Variants in HEG1 observed in about 807,000 individuals in gnomAD.
The protein encoded by HEG1 is heart development protein with EGF like domains 1.
Under a neutral mutation model 125.6 loss-of-function variants are expected in HEG1, and 56 were observed. The observed-to-expected ratio is 0.45, with a 90% CI of 0.36 to 0.56. The LOEUF is 0.56. Among genes scored for constraint, HEG1 ranks in the 20% least tolerant of loss-of-function variants. The pLI is 0.00. For synonymous variants in HEG1, 644 were observed against 668.5 expected (o/e 0.96, Z 0.57); for missense variants, 1,523 against 1,670.0 (o/e 0.91, Z 1.53).
At chr3:125,018,944 G>A (rs1323842789) in intron 5 of HEG1, among the ~76,000 whole-genome samples, 2 of 144,182 alleles carry the variant, frequency 1.4e-5, no homozygotes, top group East Asian at 4.1e-4. Context: ...TCAGCTAACT[G>A]CAACCTCCAC....
intron 1 of HEG1, among the ~76,000 whole-genome samples, chr3:125,041,997 G>A (rs1419981142): frequency 6.6e-6 from 1 of 152,222 alleles, no homozygotes; most frequent in Non-Finnish European, 1.5e-5. Context: ...TTGGGATGAT[G>A]AAAAATTTCA....
At chr3:125,050,655 C>T (rs1239114149) in intron 1 of HEG1, among the ~76,000 whole-genome samples, 4 of 152,188 alleles carry the variant, frequency 2.6e-5, no homozygotes, top group African/African-American at 7.2e-5. Flanking sequence ...ATCGTTATTT[C>T]GCTTTTTACA....
chr3:125,011,404 G>A (rs974613578), intron 6 of HEG1, among the ~76,000 whole-genome samples: 1 of 152,176 alleles, frequency 6.6e-6, no homozygotes, highest in Admixed American at 6.5e-5. Context: ...AAAAAATATA[G>A]TAACAGCCAG....
At chr3:124,980,797 G>A (rs535215663) in intron 14 of HEG1, among the ~76,000 whole-genome samples, 2 of 152,178 alleles carry the variant, frequency 1.3e-5, no homozygotes, top group African/African-American at 4.8e-5. Flanking sequence ...GGGATTACAG[G>A]TGTGAGCCAC....
intron 7 of HEG1, 81 bp downstream of exon 7, chr3:125,010,358 A>G: frequency 2.5e-6 from 2 of 797,660 alleles, no homozygotes; most frequent in Non-Finnish European, 2.0e-6. Context: ...ATTTGTCCAC[A>G]TTTTGGAGGA....
chr3:125,022,455 A>G (rs1319828044), intron 3 of HEG1, among the ~76,000 whole-genome samples: 3 of 151,348 alleles, frequency 2.0e-5, no homozygotes, highest in African/African-American at 7.3e-5. Context: ...GGTTCCTCTC[A>G]TTCTTGTGCA....
intron 14 of HEG1, among the ~76,000 whole-genome samples, chr3:124,986,934 T>G (rs1936748840): frequency 6.6e-6 from 1 of 152,200 alleles, no homozygotes; most frequent in South Asian, 2.1e-4. Context: ...CCAGTGCCAC[T>G]TAGAATAATG....
intron 1 of HEG1, among the ~76,000 whole-genome samples, chr3:125,054,967 T>A (rs1023461960): frequency 1.3e-5 from 2 of 152,102 alleles, no homozygotes; most frequent in Admixed American, 1.3e-4. Context: ...CAACAGTTCA[T>A]TGGGAAAGGA....
At position 125,005,320 on chromosome 3, in the gene HEG1, G is replaced by A. The variant is rs1015698379; in HGVS notation, c.3242C>T (p.Thr1081Ile). ...TAGGTCTGAATGTTTTTCCACAGTT[G>A]TATTAAGAAAAGTTCTCTTTAATTT... ...EFKLKRTFLN[T>I]TVEKHSDLQE... Residue 1081 changes from threonine to isoleucine, a missense_variant, in exon 9 of 17, where the codon ACA becomes ATA. By Grantham distance (89) the Thr-to-Ile change is moderately conservative (BLOSUM62 -1). Coordinates refer to ENST00000311127, the MANE Select transcript of HEG1 (RefSeq NM_020733.2). 30 of 1,597,384 alleles carry A rather than the reference G, an allele frequency of 1.9e-5. No homozygotes were observed. Among genetic ancestry groups the A allele is most frequent in the Non-Finnish European group, 2.6e-5 (30 of 1,173,186 alleles).
chr3:125,032,908 C>T (rs1468360693), intron 1 of HEG1, among the ~76,000 whole-genome samples: 1 of 152,056 alleles, frequency 6.6e-6, no homozygotes, highest in African/African-American at 2.4e-5. Flanking sequence ...CTCCAAGGAC[C>T]AGGATTGGAA....
At chr3:125,002,424 T>C (rs1937015033) in intron 9 of HEG1, 109 bp from the exon 10 acceptor site, 2 of 929,634 alleles carry the variant, frequency 2.2e-6, no homozygotes, top group Non-Finnish European at 3.3e-6. Context: ...GCCATCAAGT[T>C]ATCAGCACGC....
At chr3:125,010,910 G>T (rs927234972) in intron 6 of HEG1, among the ~76,000 whole-genome samples, 21 of 152,144 alleles carry the variant, frequency 1.4e-4, no homozygotes, top group Non-Finnish European at 2.2e-4. Flanking sequence ...CACACTTTAG[G>T]GGGGAAAAGG....
chr3:125,033,005 C>T (rs1180891376), intron 1 of HEG1, among the ~76,000 whole-genome samples: 1 of 152,164 alleles, frequency 6.6e-6, no homozygotes, highest in Non-Finnish European at 1.5e-5. Context: ...AGGACCCACA[C>T]TGACCTGCGC....
chr3:125,015,800 A>C (rs1342698491), intron 5 of HEG1, among the ~76,000 whole-genome samples: 1 of 149,496 alleles, frequency 6.7e-6, no homozygotes, highest in Non-Finnish European at 1.5e-5. Context: ...AGAAAAAAAA[A>C]CCCAAAAAAC....
At chr3:124,998,079 C>T (rs764894889) in intron 11 of HEG1, among the ~76,000 whole-genome samples, 1 of 152,186 alleles carries the variant, frequency 6.6e-6, no homozygotes, top group African/African-American at 2.4e-5. Flanking sequence ...CAGCGTGCCA[C>T]GGACCCACTG....
intron 1 of HEG1, among the ~76,000 whole-genome samples, chr3:125,054,154 G>A (rs1238373064): frequency 6.6e-6 from 1 of 152,206 alleles, no homozygotes; most frequent in Non-Finnish European, 1.5e-5. Flanking sequence ...GGAGAAAGTC[G>A]GGAAATATGT....
At chr3:125,031,620 C>T (rs1179846833) in intron 1 of HEG1, among the ~76,000 whole-genome samples, 1 of 151,988 alleles carries the variant, frequency 6.6e-6, no homozygotes, top group Admixed American at 6.6e-5. Context: ...CAAGTAGAGG[C>T]TGCAGGTAGA....
rs150448589 is a variant in HEG1, at chr3:125,021,104, T to C, written c.940A>G (p.Asn314Asp). 2.9e-3 allele frequency: 4,655 copies of C among 1,581,606 alleles called. 17 individuals are homozygous for C. The highest frequency in any genetic ancestry group is 3.6e-3 in the Non-Finnish European group (4,179 of 1,162,342). ...SSSESTEKLN[N>D]STGLQSSSVS... is the part of the protein sequence containing the mutation. ...GAGGAGCTCTGGAGGCCAGTGGAGT[T>C]GTTAAGCTTCTCTGTACTTTCAGAA... Residue 314 changes from asparagine (N) to aspartate (D), a missense_variant, in exon 4 of 17, where the codon AAC (asparagine) becomes GAC (aspartate). Physicochemically the swap from Asn to Asp is conservative, Grantham distance 23 (BLOSUM62 1). Transcript: ENST00000311127.
In HEG1 at chr3:124,968,873, C is replaced by T. The variant is rs1341874115; in HGVS notation, c.*1779G>A. On this transcript the variant is annotated 3_prime_UTR_variant, in exon 17 of 17. Coordinates refer to ENST00000311127, the MANE Select transcript of HEG1 (RefSeq NM_020733.2). ...ACACTTTGAAATTTTAGGTTAGCCT[C>T]CACTGATAAAAACAGTTCTCCTTTT... The T allele has an allele frequency of 6.6e-6, 1 of 152,166 alleles. No individual in the cohort carries two copies. The highest frequency in any genetic ancestry group is 2.4e-5 in the African/African-American group (1 of 41,434). 9.4% of individuals were successfully genotyped at this position (152,166 alleles called of 1,614,324 possible).
Sources: allele counts gnomAD v4.1 joint callset (sites outside exome capture counted in the v4.1 genomes callset), GRCh38; gene constraint gnomAD v4.1.1; transcripts MANE v1.5; gene names NCBI Gene and HGNC (gene_info 2026-07-23, HGNC 2026-07-21).